LINGO2: variants seen among roughly 807,000 people sequenced by gnomAD.
LINGO2 encodes the protein leucine rich repeat and Ig domain containing 2, also known as leucine-rich repeat and immunoglobulin-like domain-containing nogo receptor-interacting protein 2.
Under a neutral mutation model 30.6 loss-of-function variants are expected in LINGO2, and 14 were observed. The observed-to-expected ratio is 0.46, with a 90% CI of 0.30 to 0.72. The LOEUF (loss-of-function observed/expected upper bound fraction) is 0.72. Ranked by LOEUF, LINGO2 falls within the 30% of genes least tolerant of loss-of-function variation. The pLI, the probability that LINGO2 is intolerant of heterozygous loss-of-function variation, is 0.07. For missense variants in LINGO2, 729 were observed against 751.7 expected, an observed-to-expected ratio of 0.97 and a Z score of 0.35; for synonymous variants, 317 against 288.5, an observed-to-expected ratio of 1.10 and a Z score of -1.00.
chr9:28,379,215 A>C (rs975530088), intron 2 of LINGO2, among the ~76,000 whole-genome samples: 21 of 152,104 alleles, frequency 1.4e-4, no homozygotes, highest in Admixed American at 1.1e-3. Context: ...TGAAGCCATA[A>C]AATGTTTTTC....
chr9:28,389,638 G>A (rs571653829), intron 2 of LINGO2, among the ~76,000 whole-genome samples: 7 of 152,204 alleles, frequency 4.6e-5, no homozygotes, highest in African/African-American at 1.4e-4. Context: ...ACCCTGCAGG[G>A]AGCCTCATCA....
intron 4 of LINGO2, among the ~76,000 whole-genome samples, chr9:28,057,741 T>C (rs1825004055): frequency 6.6e-6 from 1 of 151,890 alleles, no homozygotes; most frequent in South Asian, 2.1e-4. Context: ...GCTTTTCCAC[T>C]GCCTACCTGC....
At chr9:28,927,258 T>C in the LINGO2 span, among the ~76,000 whole-genome samples, 11 of 152,290 alleles carry the variant, frequency 7.2e-5, no homozygotes, top group Admixed American at 3.3e-4. Context: ...TGAATTACCA[T>C]TGATGAATTA....
the LINGO2 span, among the ~76,000 whole-genome samples, chr9:28,914,711 G>A: frequency 6.6e-6 from 1 of 152,170 alleles, no homozygotes; most frequent in Non-Finnish European, 1.5e-5. Flanking sequence ...ACTTGAGTAT[G>A]AGTAGATTTT....
chr9:28,140,275 A>G (rs576797380), intron 4 of LINGO2, among the ~76,000 whole-genome samples: 44 of 152,290 alleles, frequency 2.9e-4, no homozygotes, highest in Non-Finnish European at 5.0e-4. Flanking sequence ...TTTCCCCCCA[A>G]ATTTCCGTAA....
chr9:28,590,848 T>C (rs1237762027), intron 1 of LINGO2, among the ~76,000 whole-genome samples: 3 of 152,034 alleles, frequency 2.0e-5, no homozygotes, highest in Admixed American at 1.3e-4. Flanking sequence ...GCTATAAAGA[T>C]ACATGCACAT....
intron 3 of LINGO2, among the ~76,000 whole-genome samples, chr9:28,349,149 A>G (rs1006467669): frequency 7.2e-5 from 11 of 152,242 alleles, no homozygotes; most frequent in East Asian, 3.9e-4. Flanking sequence ...GCTGGATGGA[A>G]AATGACTTTG....
the LINGO2 span, among the ~76,000 whole-genome samples, chr9:28,933,923 C>T: frequency 6.6e-6 from 1 of 152,128 alleles, no homozygotes; most frequent in Non-Finnish European, 1.5e-5. Context: ...TGGAAGTGTA[C>T]TCCCATTGCA....
intron 4 of LINGO2, among the ~76,000 whole-genome samples, chr9:28,069,411 A>C (rs952583034): frequency 1.3e-5 from 2 of 152,178 alleles, no homozygotes; most frequent in Admixed American, 1.3e-4. Context: ...TTGTCTATGG[A>C]GCTATTATGG....
the LINGO2 span, among the ~76,000 whole-genome samples, chr9:29,198,960 T>A: frequency 6.6e-6 from 1 of 152,074 alleles, no homozygotes. Context: ...AATACAGATA[T>A]CTCTGTGTCT....
intron 4 of LINGO2, among the ~76,000 whole-genome samples, chr9:28,189,249 AAGGGAGGAAGGAAGGGAGGG>A: frequency 9.5e-6 from 1 of 105,450 alleles, no homozygotes; most frequent in African/African-American, 3.5e-5. Flanking sequence ...GGAAGGGAGG[AAGGGAGGAAGGAAGGGAGGG>A]AGGAAGGGAG....
chr9:28,014,564 T>TA (rs376859550), intron 4 of LINGO2, among the ~76,000 whole-genome samples: 4 of 78,944 alleles, frequency 5.1e-5, no homozygotes, highest in African/African-American at 1.8e-4. Flanking sequence ...TTATCCAGGA[T>TA]AAGACAATTA....
At chr9:28,812,268 C>A in the LINGO2 span, among the ~76,000 whole-genome samples, 1 of 152,008 alleles carries the variant, frequency 6.6e-6, no homozygotes, top group Non-Finnish European at 1.5e-5. Context: ...TACTTACTTT[C>A]AAATAAGGAC....
intron 3 of LINGO2, among the ~76,000 whole-genome samples, chr9:28,338,980 T>G (rs1825678795): frequency 6.6e-6 from 1 of 151,820 alleles, no homozygotes; most frequent in Non-Finnish European, 1.5e-5. Context: ...CAGATGGGAG[T>G]AAACTCATTC....
intron 4 of LINGO2, among the ~76,000 whole-genome samples, chr9:28,069,565 G>A (rs533729833): frequency 2.7e-4 from 41 of 152,222 alleles, no homozygotes; most frequent in East Asian, 1.4e-3. Context: ...AACCCATGGT[G>A]CAGGTTTTGA....
intron 1 of LINGO2, among the ~76,000 whole-genome samples, chr9:28,641,258 G>A (rs1448106511): frequency 1.3e-5 from 2 of 152,130 alleles, no homozygotes; most frequent in South Asian, 2.1e-4. Context: ...GGATGGTCTC[G>A]ATCTCCTGAC....
the LINGO2 span, among the ~76,000 whole-genome samples, chr9:29,074,370 T>A: frequency 1.3e-5 from 2 of 152,272 alleles, no homozygotes; most frequent in South Asian, 4.1e-4. Flanking sequence ...ATATTTTGCA[T>A]AAAAAGAACC....
intron 4 of LINGO2, among the ~76,000 whole-genome samples, chr9:28,082,656 T>C (rs1244615930): frequency 2.6e-5 from 4 of 152,190 alleles, no homozygotes; most frequent in Admixed American, 6.6e-5. Context: ...AGTTGTATTA[T>C]TTAATTTTTA....
intron 4 of LINGO2, among the ~76,000 whole-genome samples, chr9:28,258,277 G>GCCC (rs1822447400): frequency 6.6e-6 from 1 of 151,714 alleles, no homozygotes; most frequent in Non-Finnish European, 1.5e-5. Flanking sequence ...TTAATTAAGG[G>GCCC]TCATAGGAGA....
Sources: gnomAD v4.1 joint callset for allele counts (sites outside exome capture counted in the v4.1 genomes callset) on GRCh38, gnomAD v4.1.1 for gene constraint, MANE v1.5 for transcripts, NCBI Gene and HGNC (gene_info 2026-07-23, HGNC 2026-07-21) for gene names.